Variants in LGSN observed in about 807,000 individuals in gnomAD.
The protein encoded by LGSN is lengsin.
LGSN carries 21 observed loss-of-function variants against 19.5 expected under a neutral mutation model. The observed-to-expected ratio is 1.07, with a 90% CI of 0.76 to 1.55. The LOEUF is 1.55. Among genes scored for constraint, LGSN ranks in the 40% most tolerant of loss-of-function variants. The pLI is 0.00. For missense variants in LGSN, 673 were observed against 608.5 expected, an observed-to-expected ratio of 1.11 and a Z score of -1.12; for synonymous variants, 257 against 215.6, an observed-to-expected ratio of 1.19 and a Z score of -1.68.
At chr6:63,419,541 G>A in the LGSN span, among the ~76,000 whole-genome samples, 1 of 151,984 alleles carries the variant, frequency 6.6e-6, no homozygotes, top group African/African-American at 2.4e-5. Context: ...CCATTTTGAG[G>A]CCTCCTTACC....
chr6:63,562,364 T>C, the LGSN span, among the ~76,000 whole-genome samples: 1 of 152,018 alleles, frequency 6.6e-6, no homozygotes. Context: ...CACACCCAGC[T>C]AATTTTGTAT....
At chr6:63,405,788 A>C in the LGSN span, among the ~76,000 whole-genome samples, 3 of 151,892 alleles carry the variant, frequency 2.0e-5, no homozygotes, top group Non-Finnish European at 2.9e-5. Context: ...ACCCATCTCA[A>C]GTGCAGAGAC....
chr6:63,313,335 A>G (rs1768706254), intron 1 of LGSN, among the ~76,000 whole-genome samples: 1 of 152,168 alleles, frequency 6.6e-6, no homozygotes, highest in Non-Finnish European at 1.5e-5. Context: ...AGCAGCAGCT[A>G]GATCCAGTGA....
chr6:63,452,677 G>C, the LGSN span, among the ~76,000 whole-genome samples: 46 of 89,332 alleles, frequency 5.1e-4, 1 homozygote, highest in South Asian at 1.9e-3. Context: ...CTCTCTCTCT[G>C]TCTCTCTCTT....
the LGSN span, among the ~76,000 whole-genome samples, chr6:63,341,720 C>G: frequency 6.6e-6 from 1 of 152,096 alleles, no homozygotes; most frequent in Non-Finnish European, 1.5e-5. Flanking sequence ...TCAGTGGGGG[C>G]TAAAGGGATA....
At chr6:63,410,064 A>C in the LGSN span, among the ~76,000 whole-genome samples, 1 of 152,098 alleles carries the variant, frequency 6.6e-6, no homozygotes, top group Non-Finnish European at 1.5e-5. Context: ...ATAAAATAAT[A>C]AGGTATTACC....
At chr6:63,311,784 C>T (rs1239701009) in intron 1 of LGSN, among the ~76,000 whole-genome samples, 2 of 152,028 alleles carry the variant, frequency 1.3e-5, no homozygotes, top group East Asian at 1.9e-4. Context: ...TTTTGAGGTC[C>T]TCTTATATAT....
At chr6:63,351,435 A>AAGAG in the LGSN span, among the ~76,000 whole-genome samples, 103 of 146,786 alleles carry the variant, frequency 7.0e-4, no homozygotes, top group African/African-American at 2.4e-3. Context: ...GAGAGAGAGG[A>AAGAG]AGAGAGAGAG....
At chr6:63,352,473 C>T in the LGSN span, among the ~76,000 whole-genome samples, 1 of 152,026 alleles carries the variant, frequency 6.6e-6, no homozygotes, top group Non-Finnish European at 1.5e-5. Flanking sequence ...CCAGCTCTGG[C>T]AATATAGAGA....
chr6:63,352,923 C>T, the LGSN span, among the ~76,000 whole-genome samples: 1 of 151,820 alleles, frequency 6.6e-6, no homozygotes, highest in Non-Finnish European at 1.5e-5. Flanking sequence ...AAGACACATC[C>T]GGTGGTCAAG....
chr6:63,474,673 G>A, the LGSN span, among the ~76,000 whole-genome samples: 6 of 151,592 alleles, frequency 4.0e-5, no homozygotes, highest in Admixed American at 2.6e-4. Flanking sequence ...TGTAATCCCA[G>A]CACTTTGGGA....
At chr6:63,402,787 C>CA in the LGSN span, among the ~76,000 whole-genome samples, 1 of 143,050 alleles carries the variant, frequency 7.0e-6, no homozygotes, top group African/African-American at 2.6e-5. Flanking sequence ...TAAAGGTTTT[C>CA]TTTTTTTTTT....
the LGSN span, among the ~76,000 whole-genome samples, chr6:63,361,282 C>T: frequency 6.6e-6 from 1 of 152,194 alleles, no homozygotes; most frequent in Non-Finnish European, 1.5e-5. Flanking sequence ...GGCAGTCCTC[C>T]TTGAGCTGCA....
chr6:63,392,865 G>A, the LGSN span, among the ~76,000 whole-genome samples: 1 of 150,478 alleles, frequency 6.6e-6, no homozygotes, highest in Non-Finnish European at 1.5e-5. Context: ...CAAGATGGTG[G>A]CTCCATCTTC....
At chr6:63,336,517 ATC>A in the LGSN span, among the ~76,000 whole-genome samples, 6 of 131,834 alleles carry the variant, frequency 4.6e-5, no homozygotes, top group Non-Finnish European at 9.5e-5. Context: ...CCTATAGAAT[ATC>A]TGTGTGTGTG....
chr6:63,295,121 T>G, intron 1 of LGSN, 76 bp from the exon 2 acceptor site: 1 of 1,364,800 alleles, frequency 7.3e-7, no homozygotes, highest in Non-Finnish European at 1.0e-6. Flanking sequence ...AAAGAGTATA[T>G]TTGAATAGCT....
chr6:63,350,365 A>T, the LGSN span, among the ~76,000 whole-genome samples: 1 of 152,256 alleles, frequency 6.6e-6, no homozygotes, highest in Admixed American at 6.5e-5. Context: ...ACAAACTGGA[A>T]AATATTTTAC....
At chr6:63,404,018 T>G in the LGSN span, among the ~76,000 whole-genome samples, 1 of 152,022 alleles carries the variant, frequency 6.6e-6, no homozygotes, top group Non-Finnish European at 1.5e-5. Flanking sequence ...CCATGAGTCC[T>G]ACAACCACAA....
the LGSN span, among the ~76,000 whole-genome samples, chr6:63,527,574 G>T: frequency 6.6e-6 from 1 of 152,104 alleles, no homozygotes; most frequent in Non-Finnish European, 1.5e-5. Flanking sequence ...TTCTAGATCT[G>T]CATGATACTT....
Sources: gnomAD v4.1 joint callset for allele counts (sites outside exome capture counted in the v4.1 genomes callset) on GRCh38, gnomAD v4.1.1 for gene constraint, MANE v1.5 for transcripts, NCBI Gene and HGNC (gene_info 2026-07-23, HGNC 2026-07-21) for gene names.